Variants in CNTNAP5 observed in about 807,000 individuals in gnomAD.
CNTNAP5 encodes contactin associated protein family member 5, also known as contactin-associated protein-like 5.
In CNTNAP5, 72 loss-of-function variants were observed where a neutral mutation model predicts 150.2. The observed-to-expected ratio is 0.48, with a 90% CI of 0.40 to 0.58. CNTNAP5 has a LOEUF of 0.58. Among genes scored for constraint, CNTNAP5 ranks in the 20% least tolerant of loss-of-function variants. The pLI is 0.00. For synonymous variants in CNTNAP5, 672 were observed against 619.8 expected (o/e 1.08, Z -1.25); for missense variants, 1,636 against 1,626.2 (o/e 1.01, Z -0.10).
At position 124,902,889 on chromosome 2, in the gene CNTNAP5, T is replaced by C; in HGVS notation, c.3444T>C (p.Leu1148=). The C allele has an allele frequency of 1.2e-6, 2 of 1,605,108 alleles. No homozygotes were observed. The highest frequency in any genetic ancestry group is 1.7e-6 in the Non-Finnish European group (2 of 1,173,612). The change falls in exon 22 of 24, where the codon CTT becomes CTC. Residue 1148 remains leucine, a synonymous_variant. Transcript: ENST00000682447. ...TTATCTTTTACATTGCAGAGAATCTTGGTTTGGATTCTGAAGTTGCTAAAG... is the reference window on the plus strand; with the variant it reads ...TTATCTTTTACATTGCAGAGAATCTCGGTTTGGATTCTGAAGTTGCTAAAG... ...SLTLGKVTEN[L]GLDSEVAKAN...
At chr2:124,888,187 G>C (rs972982405) in intron 21 of CNTNAP5, among the ~76,000 whole-genome samples, 1 of 152,066 alleles carries the variant, frequency 6.6e-6, no homozygotes, top group Admixed American at 6.6e-5. Flanking sequence ...TTATTAGTGA[G>C]AACATGCAGT....
intron 4 of CNTNAP5, among the ~76,000 whole-genome samples, chr2:124,422,354 G>A (rs2104782544): frequency 6.6e-6 from 1 of 152,226 alleles, no homozygotes; most frequent in East Asian, 1.9e-4. Flanking sequence ...TATTCATTCA[G>A]TAGATACCAT....
chr2:124,382,524 GA>G (rs1690822208), intron 3 of CNTNAP5, among the ~76,000 whole-genome samples: 1 of 152,006 alleles, frequency 6.6e-6, no homozygotes, highest in Non-Finnish European at 1.5e-5. Flanking sequence ...CATGATGTTG[GA>G]AAAAGCAGCT....
intron 1 of CNTNAP5, among the ~76,000 whole-genome samples, chr2:124,147,089 A>C (rs1684271396): frequency 6.6e-6 from 1 of 152,164 alleles, no homozygotes; most frequent in African/African-American, 2.4e-5. Context: ...AAAGGGGAAA[A>C]ATGTGCAGGA....
chr2:124,145,812 T>TAAA lies in CNTNAP5; in HGVS notation c.83-75879_83-75877dup. 3.9e-3 allele frequency among the ~76,000 whole-genome samples: 251 copies of TAAA among 64,148 alleles called. 5 individuals carry two copies. The highest frequency in any genetic ancestry group is 0.01 in the South Asian group (14 of 1,362). The allele number at this position is 64,148 out of a possible 152,430, so 42.1% of individuals were successfully genotyped here. ...AGTATAATAAAAAAAAAAAAAACAT[T>TAAA]AAAAAAAAAAAAAAAAGAAGAAAAA... On this transcript the variant is annotated intron_variant, in intron 1 of 23. Coordinates refer to ENST00000682447, the MANE Select transcript of CNTNAP5 (RefSeq NM_001367498.1).
At position 124,713,256 on chromosome 2, in the gene CNTNAP5, T is replaced by C. The variant is rs558026549; in HGVS notation, c.2078-33973T>C. 4.3e-3 allele frequency among the ~76,000 whole-genome samples: 496 copies of C among 114,328 alleles called. 27 individuals are homozygous for C. Among genetic ancestry groups the C allele is most frequent in the African/African-American group, 0.015 (471 of 31,880 alleles). The allele number at this position is 114,328 out of a possible 152,430, so 75.0% of individuals were successfully genotyped here. Reference sequence around the variant, plus strand: ...CTTTCTTTCTTTCTCTTTCTTTCTTTCTTTCTTTCTTTCTTTCTTTCTTTC... The same window carrying C: ...CTTTCTTTCTTTCTCTTTCTTTCTTCCTTTCTTTCTTTCTTTCTTTCTTTC... On this transcript the variant is annotated intron_variant, in intron 13 of 23. Coordinates refer to ENST00000682447, the MANE Select transcript of CNTNAP5 (RefSeq NM_001367498.1).
chr2:124,538,787 CCA>C (rs1217369966), intron 10 of CNTNAP5, among the ~76,000 whole-genome samples: 1 of 152,130 alleles, frequency 6.6e-6, no homozygotes, highest in Non-Finnish European at 1.5e-5. Context: ...GATTCTCAAG[CCA>C]CTTATGTGAA....
At chr2:124,371,277 A>G (rs1690518674) in intron 3 of CNTNAP5, among the ~76,000 whole-genome samples, 1 of 152,154 alleles carries the variant, frequency 6.6e-6, no homozygotes, top group Non-Finnish European at 1.5e-5. Flanking sequence ...CCCGAACCTC[A>G]TTAGGTATGG....
intron 13 of CNTNAP5, among the ~76,000 whole-genome samples, chr2:124,707,140 G>GGAAGAAGAAGAA (rs76714465): frequency 0.013 from 1,107 of 86,432 alleles, 59 homozygotes; most frequent in South Asian, 0.02. Flanking sequence ...AAGAAGAAGA[G>GGAAGAAGAAGAA]GAAGAAGAAG....
intron 6 of CNTNAP5, among the ~76,000 whole-genome samples, chr2:124,460,569 T>A (rs1212050684): frequency 1.3e-5 from 2 of 152,242 alleles, no homozygotes; most frequent in Non-Finnish European, 2.9e-5. Context: ...TTACTTTCAT[T>A]TATATCTATA....
At position 124,713,241 on chromosome 2, in the gene CNTNAP5, T is replaced by TC. The variant is rs1553434424; in HGVS notation, c.2078-33988_2078-33987insC. Among the ~76,000 whole-genome samples, 18 of 56,026 alleles carry TC rather than the reference T, an allele frequency of 3.2e-4. 5 individuals are homozygous for TC. In the South Asian group the frequency reaches 9.2e-3, roughly 29 times the overall value. 36.8% of individuals were successfully genotyped at this position (56,026 alleles called of 152,430 possible). A position where few individuals can be genotyped will look rare whatever the true frequency, so the allele number is the denominator to read the frequency against. On this transcript the variant is annotated intron_variant, in intron 13 of 23. Coordinates refer to ENST00000682447, the MANE Select transcript of CNTNAP5 (RefSeq NM_001367498.1). ...TCTGTTTCTTTCTTTCTTTCTTTCT[T>TC]TCTCTTTCTTTCTTTCTTTCTTTCT...
chr2:124,605,809 C>CAAAAAAAAAAA (rs36090348), intron 11 of CNTNAP5, among the ~76,000 whole-genome samples: 3 of 34,412 alleles, frequency 8.7e-5, no homozygotes, highest in African/African-American at 4.1e-4. Flanking sequence ...AAGACTCTGT[C>CAAAAAAAAAAA]AAAAAAAAAA....
chr2:124,683,153 T>C (rs545324990), intron 13 of CNTNAP5, among the ~76,000 whole-genome samples: 1 of 152,272 alleles, frequency 6.6e-6, no homozygotes, highest in East Asian at 1.9e-4. Flanking sequence ...GTACACAGAG[T>C]GTGGCTGATG....
At chr2:124,373,176 T>G (rs1371540240) in intron 3 of CNTNAP5, among the ~76,000 whole-genome samples, 3 of 152,174 alleles carry the variant, frequency 2.0e-5, no homozygotes, top group Non-Finnish European at 4.4e-5. Flanking sequence ...GATAAATTTT[T>G]TATTTGCCTT....
intron 1 of CNTNAP5, among the ~76,000 whole-genome samples, chr2:124,126,586 G>A (rs1683707975): frequency 6.6e-6 from 1 of 151,640 alleles, no homozygotes; most frequent in Admixed American, 6.6e-5. Context: ...TGATACCAAA[G>A]CCTGGCAGAG....
chr2:124,677,501 T>A (rs1678970338), intron 13 of CNTNAP5, among the ~76,000 whole-genome samples: 1 of 152,202 alleles, frequency 6.6e-6, no homozygotes, highest in Non-Finnish European at 1.5e-5. Context: ...GATTGGTCCA[T>A]TTTACAGAGT....
rs954018831 is a variant in CNTNAP5 at position 124,513,578 on chromosome 2, G to A, written c.1327+9022G>A. ...CGTCTTCCATAACTATTTGCCACAC[G>A]CATGAATACACTAGTGGAGTTGACC... On this transcript the variant is annotated intron_variant, in intron 8 of 23. Coordinates refer to ENST00000682447, the MANE Select transcript of CNTNAP5 (RefSeq NM_001367498.1). Among the ~76,000 whole-genome samples, 14 of 152,170 alleles carry A rather than the reference G, an allele frequency of 9.2e-5. 1 individual carries two copies. Among genetic ancestry groups the A allele is most frequent in the East Asian group, 5.8e-4 (3 of 5,194 alleles).
chr2:124,530,832 T>A (rs1695087487), intron 10 of CNTNAP5, among the ~76,000 whole-genome samples: 1 of 152,060 alleles, frequency 6.6e-6, no homozygotes, highest in South Asian at 2.1e-4. Context: ...ACCAGCCTCA[T>A]AATCTCTACA....
At chr2:124,885,326 A>G (rs1471879566) in intron 21 of CNTNAP5, among the ~76,000 whole-genome samples, 4 of 152,058 alleles carry the variant, frequency 2.6e-5, no homozygotes, top group African/African-American at 4.8e-5. Flanking sequence ...CGTTTACAAC[A>G]TACCTTTACA....
Sources: gnomAD v4.1 joint callset for allele counts (sites outside exome capture counted in the v4.1 genomes callset) on GRCh38, gnomAD v4.1.1 for gene constraint, MANE v1.5 for transcripts, NCBI Gene and HGNC (gene_info 2026-07-23, HGNC 2026-07-21) for gene names.